Variants in NTNG1 observed in about 807,000 individuals in gnomAD.
NTNG1 encodes the protein netrin-G1.
A neutral mutation model predicts 54.0 loss-of-function variants in NTNG1; 16 were observed. That is an observed-to-expected ratio of 0.30 (90% confidence interval 0.20 to 0.45). NTNG1 has a LOEUF of 0.45. Ranked by LOEUF, NTNG1 falls within the 20% of genes least tolerant of loss-of-function variation. NTNG1 has a pLI of 1.00. For synonymous variants in NTNG1, 255 were observed against 263.1 expected, an observed-to-expected ratio of 0.97 and a Z score of 0.30; for missense variants, 530 against 678.7, an observed-to-expected ratio of 0.78 and a Z score of 2.43.
intron 3 of NTNG1, among the ~76,000 whole-genome samples, chr1:107,380,511 C>T (rs1259102525): frequency 2.0e-5 from 3 of 152,108 alleles, no homozygotes; most frequent in Admixed American, 2.0e-4. Context: ...CATAAAGCTG[C>T]TGTATAAATG....
At chr1:107,319,460 C>T (rs1667518259) in intron 2 of NTNG1, among the ~76,000 whole-genome samples, 1 of 152,122 alleles carries the variant, frequency 6.6e-6, no homozygotes. Context: ...CCAATTTCTA[C>T]ACCCTTTAAA....
At chr1:107,455,696 T>C (rs1294382132) in intron 7 of NTNG1, 2 of 437,830 alleles carry the variant, frequency 4.6e-6, no homozygotes, top group Non-Finnish European at 9.6e-6. Flanking sequence ...CTGGAGAGCA[T>C]GACAAGAACA....
intron 7 of NTNG1, among the ~76,000 whole-genome samples, chr1:107,471,652 G>T (rs1340116786): frequency 6.6e-6 from 1 of 152,178 alleles, no homozygotes; most frequent in African/African-American, 2.4e-5. Flanking sequence ...ACCTTGCAAG[G>T]CTTTGTAGAA....
intron 2 of NTNG1, among the ~76,000 whole-genome samples, chr1:107,249,170 A>G (rs1035458461): frequency 6.7e-6 from 1 of 149,814 alleles, no homozygotes; most frequent in African/African-American, 2.4e-5. Flanking sequence ...AATAATAATA[A>G]TAATAATAAT....
intron 2 of NTNG1, among the ~76,000 whole-genome samples, chr1:107,207,664 T>C (rs2101348315): frequency 6.6e-6 from 1 of 152,324 alleles, no homozygotes. Flanking sequence ...GATTCAAAAC[T>C]TTTCACCTAT....
At chr1:107,234,008 C>T (rs937222228) in intron 2 of NTNG1, among the ~76,000 whole-genome samples, 5 of 152,070 alleles carry the variant, frequency 3.3e-5, no homozygotes, top group Non-Finnish European at 7.4e-5. Flanking sequence ...TACCCCGGAG[C>T]CCTGGAGATA....
At chr1:107,162,992 C>T (rs1372145011) in intron 2 of NTNG1, among the ~76,000 whole-genome samples, 1 of 152,104 alleles carries the variant, frequency 6.6e-6, no homozygotes, top group Non-Finnish European at 1.5e-5. Context: ...CAATTAAAAC[C>T]ACAGCCAGGA....
At chr1:107,398,318 CA>C (rs1672815383) in intron 4 of NTNG1, among the ~76,000 whole-genome samples, 2 of 152,244 alleles carry the variant, frequency 1.3e-5, no homozygotes, top group African/African-American at 4.8e-5. Flanking sequence ...AGTTTCTGTT[CA>C]CCTTCACAAG....
chr1:107,154,595 CAAAAAAAAA>C (rs59619310), intron 2 of NTNG1, among the ~76,000 whole-genome samples: 2 of 47,752 alleles, frequency 4.2e-5, no homozygotes, highest in Non-Finnish European at 7.9e-5. Flanking sequence ...GACCCTGTCT[CAAAAAAAAA>C]AAAAAAAAAA....
intron 5 of NTNG1, among the ~76,000 whole-genome samples, chr1:107,417,982 T>C (rs1411719063): frequency 6.6e-6 from 1 of 152,030 alleles, no homozygotes; most frequent in East Asian, 1.9e-4. Context: ...TACACACCCA[T>C]ACAAACAAAC....
chr1:107,305,401 G>C (rs925914207), intron 2 of NTNG1, among the ~76,000 whole-genome samples: 2 of 152,130 alleles, frequency 1.3e-5, no homozygotes, highest in Non-Finnish European at 2.9e-5. Flanking sequence ...AGCATCTGTT[G>C]TTTCCTGACT....
intron 2 of NTNG1, among the ~76,000 whole-genome samples, chr1:107,291,554 T>A (rs1444452970): frequency 6.6e-6 from 1 of 152,144 alleles, no homozygotes; most frequent in African/African-American, 2.4e-5. Flanking sequence ...ATGTATAAGG[T>A]TAGCATTTCA....
chr1:107,234,335 C>T (rs1661264730), intron 2 of NTNG1, among the ~76,000 whole-genome samples: 1 of 152,106 alleles, frequency 6.6e-6, no homozygotes, highest in Non-Finnish European at 1.5e-5. Flanking sequence ...ATTGGCCAAG[C>T]TGGTCTTTAA....
chr1:107,465,701 C>A (rs1223249094), intron 7 of NTNG1, among the ~76,000 whole-genome samples: 1 of 152,132 alleles, frequency 6.6e-6, no homozygotes, highest in Non-Finnish European at 1.5e-5. Context: ...AGGCATGTGG[C>A]AGTCCAGGGA....
chr1:107,302,410 GT>G (rs1446267860), intron 2 of NTNG1, among the ~76,000 whole-genome samples: 1 of 151,842 alleles, frequency 6.6e-6, no homozygotes, highest in Non-Finnish European at 1.5e-5. Flanking sequence ...TGATAACCAG[GT>G]TACCGCTCAC....
At chr1:107,335,006 G>A (rs528776054) in intron 3 of NTNG1, among the ~76,000 whole-genome samples, 11 of 152,074 alleles carry the variant, frequency 7.2e-5, no homozygotes, top group African/African-American at 1.7e-4. Flanking sequence ...AAAGCTTCAG[G>A]CTTTAACCAA....
intron 5 of NTNG1, among the ~76,000 whole-genome samples, chr1:107,412,586 T>G (rs969019286): frequency 6.6e-6 from 1 of 152,188 alleles, no homozygotes; most frequent in Admixed American, 6.5e-5. Context: ...TTAGAAGACC[T>G]GTTGATCCCT....
chr1:107,160,935 T>C (rs1262213492), intron 2 of NTNG1, among the ~76,000 whole-genome samples: 1 of 152,146 alleles, frequency 6.6e-6, no homozygotes, highest in Non-Finnish European at 1.5e-5. Context: ...GGGATTATAG[T>C]AAAAATATTT....
intron 5 of NTNG1, among the ~76,000 whole-genome samples, chr1:107,418,935 C>T (rs1674397320): frequency 1.3e-5 from 2 of 152,060 alleles, no homozygotes; most frequent in South Asian, 2.1e-4. Context: ...GTGTGGAGGA[C>T]AAACAAGACT....
Sources: allele counts gnomAD v4.1 joint callset (sites outside exome capture counted in the v4.1 genomes callset), GRCh38; gene constraint gnomAD v4.1.1; transcripts MANE v1.5; gene names NCBI Gene and HGNC (gene_info 2026-07-23, HGNC 2026-07-21).